TENM2: variants seen among roughly 807,000 people sequenced by gnomAD.
TENM2 encodes teneurin transmembrane protein 2, also known as teneurin-2.
In TENM2, 52 loss-of-function variants were observed where a neutral mutation model predicts 245.2. The observed-to-expected ratio is 0.21, with a 90% CI of 0.17 to 0.27. The LOEUF is 0.27. Ranked by LOEUF, TENM2 falls within the 10% of genes least tolerant of loss-of-function variation. The pLI is 1.00. For missense variants in TENM2, 3,046 were observed against 3,666.8 expected (o/e 0.83, Z 4.37); for synonymous variants, 1,363 against 1,438.9 (o/e 0.95, Z 1.19).
chr5:167,806,938 A>G (rs1766221975), intron 2 of TENM2, among the ~76,000 whole-genome samples: 1 of 151,770 alleles, frequency 6.6e-6, no homozygotes, highest in East Asian at 1.9e-4. Flanking sequence ...CAACCGTGGT[A>G]TCTTTCCTGA....
chr5:167,812,990 G>C (rs572820176), intron 2 of TENM2, among the ~76,000 whole-genome samples: 1 of 152,254 alleles, frequency 6.6e-6, no homozygotes, highest in Non-Finnish European at 1.5e-5. Context: ...AATTTATCAG[G>C]CCAGAAAGTT....
intron 2 of TENM2, among the ~76,000 whole-genome samples, chr5:167,811,963 A>G (rs1387865151): frequency 1.3e-5 from 2 of 152,196 alleles, no homozygotes; most frequent in South Asian, 2.1e-4. Context: ...TTATGCCTAG[A>G]GCACATACAC....
At chr5:168,108,491 CTT>C (rs1407893741) in intron 9 of TENM2, among the ~76,000 whole-genome samples, 4 of 152,182 alleles carry the variant, frequency 2.6e-5, no homozygotes, top group Admixed American at 6.5e-5. Flanking sequence ...TACATGGAAA[CTT>C]TGTAGAACCA....
intron 2 of TENM2, among the ~76,000 whole-genome samples, chr5:167,796,912 AT>A (rs200837345): frequency 0.04 from 5,858 of 146,644 alleles, 210 homozygotes; most frequent in East Asian, 0.12. Flanking sequence ...TTGAGGATAG[AT>A]TTTTTTTTTT....
chr5:167,546,046 C>A (rs373568585), intron 2 of TENM2, among the ~76,000 whole-genome samples: 34 of 152,122 alleles, frequency 2.2e-4, no homozygotes, highest in Non-Finnish European at 1.5e-5. Context: ...AACACTCATT[C>A]GAGTCAGAAA....
chr5:167,778,516 A>G (rs2150816321), intron 2 of TENM2, among the ~76,000 whole-genome samples: 1 of 152,300 alleles, frequency 6.6e-6, no homozygotes, highest in East Asian at 1.9e-4. Flanking sequence ...CTAGAGTCAT[A>G]TGGTTGTGAG....
intron 2 of TENM2, among the ~76,000 whole-genome samples, chr5:167,575,216 A>G (rs534858812): frequency 2.6e-5 from 4 of 152,170 alleles, no homozygotes; most frequent in South Asian, 4.1e-4. Flanking sequence ...TACCTAAAAG[A>G]TAGCATAGAA....
intron 2 of TENM2, among the ~76,000 whole-genome samples, chr5:167,862,465 C>A (rs879888608): frequency 6.6e-6 from 1 of 152,218 alleles, no homozygotes; most frequent in Non-Finnish European, 1.5e-5. Context: ...TCACTTTGCA[C>A]CCAATCCTGA....
chr5:167,570,059 T>C (rs536296551), intron 2 of TENM2, among the ~76,000 whole-genome samples: 1 of 152,114 alleles, frequency 6.6e-6, no homozygotes, highest in Non-Finnish European at 1.5e-5. Flanking sequence ...AATATGTTGA[T>C]ATGAAAGAGA....
the TENM2 span, among the ~76,000 whole-genome samples, chr5:167,087,215 G>C: frequency 6.6e-6 from 1 of 152,064 alleles, no homozygotes; most frequent in Non-Finnish European, 1.5e-5. Context: ...GCCTCCTTTA[G>C]AGTCTTTGTT....
chr5:167,906,005 G>A (rs1222046548), intron 3 of TENM2, among the ~76,000 whole-genome samples: 1 of 152,126 alleles, frequency 6.6e-6, no homozygotes, highest in African/African-American at 2.4e-5. Flanking sequence ...TGGCTGTAGA[G>A]CACTTTCATC....
At chr5:167,375,371 A>G in exon 2 of TENM2, 1 of 1,551,714 alleles carries the variant, frequency 6.4e-7, no homozygotes, top group Non-Finnish European at 8.7e-7. Context: ...ACTGTGGGGC[A>G]GAGGGATAAA....
chr5:167,499,846 ATG>A (rs112558904), intron 2 of TENM2, among the ~76,000 whole-genome samples: 21 of 125,632 alleles, frequency 1.7e-4, no homozygotes, highest in East Asian at 9.0e-4. Context: ...GTGAGGGTGT[ATG>A]TGTGTGTGTG....
intron 27 of TENM2, among the ~76,000 whole-genome samples, chr5:168,258,980 G>A (rs1482082965): frequency 6.6e-6 from 1 of 151,112 alleles, no homozygotes; most frequent in African/African-American, 2.4e-5. Flanking sequence ...GTTAGGAGTT[G>A]GAGACCAGCC....
At chr5:167,242,567 C>T in the TENM2 span, among the ~76,000 whole-genome samples, 7 of 152,266 alleles carry the variant, frequency 4.6e-5, no homozygotes, top group East Asian at 3.9e-4. Context: ...CTTCTCCAGC[C>T]TACTCTATGA....
intron 2 of TENM2, among the ~76,000 whole-genome samples, chr5:167,667,705 T>C (rs1330551014): frequency 6.6e-6 from 1 of 152,206 alleles, no homozygotes; most frequent in Non-Finnish European, 1.5e-5. Context: ...CTCACTAATG[T>C]CCACTCCTGT....
At chr5:168,175,715 C>T (rs960874003) in intron 13 of TENM2, among the ~76,000 whole-genome samples, 2 of 152,306 alleles carry the variant, frequency 1.3e-5, no homozygotes, top group Admixed American at 6.5e-5. Flanking sequence ...TCCAAAGCCA[C>T]TAGGTGTCTG....
chr5:168,003,955 G>A (rs1252674806), intron 5 of TENM2, among the ~76,000 whole-genome samples: 1 of 152,180 alleles, frequency 6.6e-6, no homozygotes, highest in Non-Finnish European at 1.5e-5. Context: ...ATCTTCTGTT[G>A]TGTCTAATTG....
intron 21 of TENM2, among the ~76,000 whole-genome samples, chr5:168,215,544 C>G (rs1001135520): frequency 6.6e-6 from 1 of 152,178 alleles, no homozygotes. Context: ...CGGTGGGCGC[C>G]TGTAGTCCCA....
Sources: gnomAD v4.1 joint callset for allele counts (sites outside exome capture counted in the v4.1 genomes callset) on GRCh38, gnomAD v4.1.1 for gene constraint, MANE v1.5 for transcripts, NCBI Gene and HGNC (gene_info 2026-07-23, HGNC 2026-07-21) for gene names.